NRG2: variants seen among roughly 807,000 people sequenced by gnomAD.
The protein encoded by NRG2 is pro-neuregulin-2, membrane-bound isoform.
NRG2 carries 27 observed loss-of-function variants against 73.9 expected under a neutral mutation model. The ratio of observed to expected loss-of-function variants is 0.37; its 90% CI spans 0.27 to 0.50. NRG2 has a LOEUF of 0.50. Among genes scored for constraint, NRG2 ranks in the 20% least tolerant of loss-of-function variants. NRG2 has a pLI of 0.96. For missense variants in NRG2, 1,126 were observed against 1,210.1 expected, an observed-to-expected ratio of 0.93 and a Z score of 1.03; for synonymous variants, 532 against 541.0, an observed-to-expected ratio of 0.98 and a Z score of 0.23.
At chr5:139,854,498 G>A (rs189843758) in intron 6 of NRG2, among the ~76,000 whole-genome samples, 1 of 152,372 alleles carries the variant, frequency 6.6e-6, no homozygotes, top group East Asian at 1.9e-4. Flanking sequence ...TGCAGTGGGG[G>A]CAGGACAGGC....
intron 5 of NRG2, among the ~76,000 whole-genome samples, chr5:139,860,232 T>C (rs1276132490): frequency 6.6e-6 from 1 of 152,032 alleles, no homozygotes; most frequent in Non-Finnish European, 1.5e-5. Context: ...TTGGCAAATG[T>C]CCCTGGGAGG....
At chr5:139,855,905 C>G (rs1330788465) in intron 5 of NRG2, 127 bp from the exon 6 acceptor site, 7 of 686,650 alleles carry the variant, frequency 1.0e-5, no homozygotes, top group Non-Finnish European at 1.5e-5. Flanking sequence ...AGCTCCTTTC[C>G]ATCCCTTTTC....
chr5:140,007,871 C>T (rs942656650), intron 1 of NRG2, among the ~76,000 whole-genome samples: 1 of 152,198 alleles, frequency 6.6e-6, no homozygotes, highest in Non-Finnish European at 1.5e-5. Context: ...CAAACCTTGT[C>T]CCTTAACAGA....
At chr5:139,968,572 G>T (rs1435409147) in intron 1 of NRG2, among the ~76,000 whole-genome samples, 1 of 152,224 alleles carries the variant, frequency 6.6e-6, no homozygotes, top group East Asian at 1.9e-4. Flanking sequence ...CAGGGGACTG[G>T]AAGGAGGAAG....
In NRG2 at chr5:139,978,749, T is replaced by A. The variant is rs1313940660; in HGVS notation, c.700+63621A>T. Among the ~76,000 whole-genome samples the A allele has an allele frequency of 4.6e-5, 7 of 152,176 alleles. No homozygotes were observed. In the East Asian group the frequency reaches 1.4e-3, roughly 29 times the overall value. On this transcript the variant is annotated intron_variant, in intron 1 of 9. Transcript: ENST00000361474. ...ACTCTTTTTATATTGCGGCACTATG[T>A]TTACTGTGGCACTATCGCAGCCACA...
At position 139,851,897 on chromosome 5, in the gene NRG2, C is replaced by A; in HGVS notation, c.1545-66G>T. 5 of 1,376,450 alleles carry A rather than the reference C, an allele frequency of 3.6e-6. No individual in the cohort carries two copies. Among genetic ancestry groups the A allele is most frequent in the South Asian group, 1.2e-5 (1 of 81,698 alleles). 85.3% of individuals were successfully genotyped at this position (1,376,450 alleles called of 1,614,324 possible). Reference sequence around the variant, plus strand: ...GGCAGGGCGGCCCAGCAGGTGTGGTCCCATGGACCTCCCTGGCTCTTCTTC... The same window carrying A: ...GGCAGGGCGGCCCAGCAGGTGTGGTACCATGGACCTCCCTGGCTCTTCTTC... On this transcript the variant is annotated intron_variant, in intron 8 of 9. Coordinates refer to ENST00000361474, the MANE Select transcript of NRG2 (RefSeq NM_004883.3). The surrounding 1 kb of genome is among the most constrained non-coding windows in gnomAD (Gnocchi z 4.2).
rs114460572 is a variant in NRG2 at position 140,030,612 on chromosome 5, A to G, written c.700+11758T>C. Reference sequence around the variant, plus strand: ...AACCATACACAGTGGAAACCTACTCAGATAATTTACACAGTAAGAAACAAA... The same window carrying G: ...AACCATACACAGTGGAAACCTACTCGGATAATTTACACAGTAAGAAACAAA... On this transcript the variant is annotated intron_variant, in intron 1 of 9. Transcript: ENST00000361474. 3.5e-3 allele frequency among the ~76,000 whole-genome samples: 537 copies of G among 152,370 alleles called. 4 individuals carry two copies. The highest frequency in any genetic ancestry group is 0.012 in the African/African-American group (505 of 41,590).
chr5:140,030,922 G>GC (rs768333025), intron 1 of NRG2, among the ~76,000 whole-genome samples: 10 of 152,110 alleles, frequency 6.6e-5, no homozygotes, highest in Non-Finnish European at 1.3e-4. Flanking sequence ...AATGTTACTA[G>GC]CCTTTTTGGA....
In NRG2 at chr5:139,865,066, G is replaced by A. The variant is rs377446569; in HGVS notation, c.1189+483C>T. 1.4e-4 allele frequency: 209 copies of A among 1,509,014 alleles called. No homozygotes were observed. The highest frequency in any genetic ancestry group is 1.9e-4 in the Non-Finnish European group (203 of 1,084,558). 93.5% of individuals were successfully genotyped at this position (1,509,014 alleles called of 1,614,324 possible). On this transcript the variant is annotated intron_variant, in intron 5 of 9. Coordinates refer to ENST00000361474, the MANE Select transcript of NRG2 (RefSeq NM_004883.3). This position sits in a 1 kb window ranked among gnomAD's most constrained non-coding sequence, Gnocchi z 5.2. ...GCAAGGCCCCATCCCTCCCCAGGGGGAGACTGTCAGTCACCAGGGAAGAGA... is the reference window on the plus strand; with the variant it reads ...GCAAGGCCCCATCCCTCCCCAGGGGAAGACTGTCAGTCACCAGGGAAGAGA...
At chr5:139,933,274 CAA>C (rs953055856) in intron 1 of NRG2, among the ~76,000 whole-genome samples, 2 of 136,418 alleles carry the variant, frequency 1.5e-5, no homozygotes. Context: ...GACTCCGTCT[CAA>C]AAAAAAAAAG....
rs1462418512 is a variant in NRG2, at chr5:139,894,994, G to C, written c.701-7483C>G. Among the ~76,000 whole-genome samples, 1 of 152,208 alleles carries C rather than the reference G, an allele frequency of 6.6e-6. No homozygotes were observed. Among genetic ancestry groups the C allele is most frequent in the Non-Finnish European group, 1.5e-5 (1 of 68,034 alleles). The stretch of plus-strand genomic sequence containing the variant: ...AGGGGAGGCAGAAGCTGCACCAGGA[G>C]GGCAGATAAAGAAGAAGGGGAAGGG... On this transcript the variant is annotated intron_variant, in intron 1 of 9. Transcript: ENST00000361474. The surrounding 1 kb of genome is among the most constrained non-coding windows in gnomAD (Gnocchi z 5.0).
At chr5:139,961,427 G>A (rs1755054995) in intron 1 of NRG2, among the ~76,000 whole-genome samples, 1 of 150,300 alleles carries the variant, frequency 6.7e-6, no homozygotes, top group African/African-American at 2.5e-5. Context: ...CACTCTAGAG[G>A]ACAATCAAGC....
chr5:140,003,284 C>T (rs920181047), intron 1 of NRG2, among the ~76,000 whole-genome samples: 3 of 152,140 alleles, frequency 2.0e-5, no homozygotes, highest in African/African-American at 7.2e-5. Flanking sequence ...GTGCCCCCCT[C>T]CCCCAATATG....
At chr5:139,942,660 T>G (rs1753487929) in intron 1 of NRG2, among the ~76,000 whole-genome samples, 1 of 152,248 alleles carries the variant, frequency 6.6e-6, no homozygotes, top group Admixed American at 6.5e-5. Flanking sequence ...TTAACTTTAC[T>G]ATTTATGTTT....
chr5:139,951,301 T>G (rs1341039217), intron 1 of NRG2, among the ~76,000 whole-genome samples: 2 of 152,250 alleles, frequency 1.3e-5, no homozygotes, highest in Non-Finnish European at 2.9e-5. Flanking sequence ...TGGGTGTCTA[T>G]GTCTCTCTTT....
intron 1 of NRG2, among the ~76,000 whole-genome samples, chr5:139,958,035 G>A (rs995992596): frequency 2.0e-5 from 3 of 152,060 alleles, no homozygotes; most frequent in African/African-American, 7.2e-5. Flanking sequence ...CGTTGGCTAG[G>A]ACTGGAAGGT....
intron 1 of NRG2, among the ~76,000 whole-genome samples, chr5:139,923,332 T>A (rs73791244): frequency 0.016 from 2,502 of 152,292 alleles, 65 homozygotes; most frequent in African/African-American, 0.057. Context: ...CACATGCTCT[T>A]ACCCTTATTA....
chr5:139,984,384 A>G (rs1293114923), intron 1 of NRG2, among the ~76,000 whole-genome samples: 1 of 152,232 alleles, frequency 6.6e-6, no homozygotes, highest in Non-Finnish European at 1.5e-5. Flanking sequence ...TAGGTAAGAA[A>G]AGCAGTATAT....
At chr5:139,963,762 T>C (rs1755259049) in intron 1 of NRG2, among the ~76,000 whole-genome samples, 1 of 152,252 alleles carries the variant, frequency 6.6e-6, no homozygotes, top group South Asian at 2.1e-4. Flanking sequence ...CTTGCTGTCT[T>C]TCCTCTTTCT....
Sources: gnomAD v4.1 joint callset for allele counts (sites outside exome capture counted in the v4.1 genomes callset) on GRCh38, gnomAD v4.1.1 for gene constraint, Gnocchi (gnomAD v3.1) non-coding constraint, MANE v1.5 for transcripts, NCBI Gene and HGNC (gene_info 2026-07-23, HGNC 2026-07-21) for gene names.